Variants in BAIAP2 observed in about 807,000 individuals in gnomAD.
The protein encoded by BAIAP2 is BAR/IMD domain-containing adapter protein 2.
Under a neutral mutation model 63.0 loss-of-function variants are expected in BAIAP2, and 18 were observed. The observed-to-expected ratio is 0.29, with a 90% confidence interval of 0.20 to 0.42. The LOEUF is 0.42. Among genes scored for constraint, BAIAP2 ranks in the 10% least tolerant of loss-of-function variants. The probability of loss-of-function intolerance (pLI) is 1.00; values close to 1 mark genes in which losing one functional copy is unlikely to be tolerated. For missense variants in BAIAP2, 610 were observed against 734.3 expected, an observed-to-expected ratio of 0.83 and a Z score of 1.96; for synonymous variants, 386 against 307.6, an observed-to-expected ratio of 1.25 and a Z score of -2.67.
intron 13 of BAIAP2, among the ~76,000 whole-genome samples, chr17:81,114,491 A>C (rs1442618318): frequency 6.6e-6 from 1 of 152,192 alleles, no homozygotes; most frequent in Non-Finnish European, 1.5e-5. Flanking sequence ...AGCTGAAAAA[A>C]GCCGGGGATC....
At chr17:81,063,157 G>A (rs1327001943) in intron 3 of BAIAP2, among the ~76,000 whole-genome samples, 1 of 152,078 alleles carries the variant, frequency 6.6e-6, no homozygotes, top group African/African-American at 2.4e-5. Flanking sequence ...AAGGTGTGAG[G>A]TGGACAGAAA....
chr17:81,109,591 C>T (rs934114913), intron 13 of BAIAP2: 62 of 985,222 alleles, frequency 6.3e-5, no homozygotes, highest in Non-Finnish European at 6.6e-5. Context: ...GGGCTCGTGC[C>T]AAGCTCGAGG....
rs369864250 is a variant in BAIAP2 at position 81,105,021 on chromosome 17, T to G, written c.1268+306T>G. On this transcript the variant is annotated intron_variant, in intron 10 of 13. Transcript: ENST00000428708. ...GGCAGGGATCTCCCCCAATGGCAGG[T>G]ATCTCCCCCAATGGCAGGGGTCTTT... The G allele has an allele frequency of 2.8e-3, 586 of 205,836 alleles. 2 individuals carry two copies. The highest frequency in any genetic ancestry group is 0.01 in the African/African-American group (417 of 40,770). 12.8% of individuals were successfully genotyped at this position (205,836 alleles called of 1,614,324 possible). A position where few individuals can be genotyped will look rare whatever the true frequency, so the allele number is the denominator to read the frequency against.
chr17:81,076,222 C>T (rs2053640341), intron 3 of BAIAP2: 1 of 152,254 alleles, frequency 6.6e-6, no homozygotes, highest in African/African-American at 2.4e-5. Context: ...GCTTAACCAT[C>T]TGCAGCTTAA....
rs541729199 is a variant in BAIAP2, at chr17:81,098,340, C to T, written c.490-1588C>T. On this transcript the variant is annotated intron_variant, in intron 6 of 13. Coordinates refer to ENST00000428708, the MANE Select transcript of BAIAP2 (RefSeq NM_001144888.2). ...CCCCCAAACTCCCCCTCTCCAGTTT[C>T]CTCCCGAGGCTCACGTTGGAGAGGC... 2.3e-5 allele frequency: 12 copies of T among 520,224 alleles called. No homozygotes were observed. The South Asian group carries it at 1.1e-3, about 49-fold the overall frequency. 32.2% of individuals were successfully genotyped at this position (520,224 alleles called of 1,614,324 possible).
At chr17:81,111,103 G>A in intron 13 of BAIAP2, 3 of 973,096 alleles carry the variant, frequency 3.1e-6, no homozygotes, top group South Asian at 1.4e-5. Context: ...TCTCACTCTG[G>A]GTGCTGGGCC....
At chr17:81,078,117 G>A (rs2053977816) in intron 3 of BAIAP2, among the ~76,000 whole-genome samples, 1 of 150,770 alleles carries the variant, frequency 6.6e-6, no homozygotes, top group Non-Finnish European at 1.5e-5. Context: ...TCTTGGGTGG[G>A]AGCCGGGCAC....
intron 3 of BAIAP2, among the ~76,000 whole-genome samples, chr17:81,078,106 G>A (rs1312493185): frequency 3.3e-5 from 5 of 149,434 alleles, no homozygotes; most frequent in Admixed American, 6.7e-5. Flanking sequence ...TGCGGGTGTC[G>A]TCTTGGGTGG....
intron 1 of BAIAP2, among the ~76,000 whole-genome samples, chr17:81,051,794 A>G (rs55872483): frequency 0.45 from 67,679 of 152,032 alleles, 16,183 homozygotes; most frequent in Non-Finnish European, 0.55. Context: ...GGCTTAAGCA[A>G]TCCTCCCACC....
rs753024709 is a variant in BAIAP2 at position 81,035,268 on chromosome 17, G to A, written c.14G>A (p.Arg5His). 2.6e-6 allele frequency: 4 copies of A among 1,521,356 alleles called. No homozygotes were observed. Among genetic ancestry groups the A allele is most frequent in the South Asian group, 1.2e-5 (1 of 81,630 alleles). 94.2% of individuals were successfully genotyped at this position (1,521,356 alleles called of 1,614,324 possible). A position where few individuals can be genotyped will look rare whatever the true frequency, so the allele number is the denominator to read the frequency against. The stretch of plus-strand genomic sequence containing the variant: ...GGACCCAGGACCATGTCTCTGTCTC[G>A]CTCAGAGGAGATGCACCGGCTCACG... MSLSRSEEMHRLTEN... is the reference protein window; with the variant it reads MSLSHSEEMHRLTEN... Residue 5 changes from arginine (R) to histidine (H), a missense_variant, in exon 1 of 14, where the codon CGC (arginine) becomes CAC (histidine). Physicochemically the swap from Arg to His is conservative, Grantham distance 29 (BLOSUM62 0). Coordinates refer to ENST00000428708, the MANE Select transcript of BAIAP2 (RefSeq NM_001144888.2).
At chr17:81,084,298 G>A (rs760298213) in intron 3 of BAIAP2, among the ~76,000 whole-genome samples, 2 of 152,152 alleles carry the variant, frequency 1.3e-5, no homozygotes, top group Non-Finnish European at 2.9e-5. Context: ...TTGGGTGAAG[G>A]TCTCAGAGGT....
intron 1 of BAIAP2, among the ~76,000 whole-genome samples, chr17:81,038,432 A>G (rs570531844): frequency 1.3e-5 from 2 of 152,330 alleles, no homozygotes; most frequent in South Asian, 4.1e-4. Context: ...CCATTGGCCC[A>G]CAGCCTGTCC....
chr17:81,038,869 C>A (rs570180771), intron 1 of BAIAP2, among the ~76,000 whole-genome samples: 1 of 148,998 alleles, frequency 6.7e-6, no homozygotes, highest in East Asian at 2.0e-4. Flanking sequence ...TGCTGACAGG[C>A]ACCTCCTGGC....
Position 81,108,500 on chromosome 17 carries a change from C to G in BAIAP2, c.1526C>G (p.Ser509Cys). ...GGCCTGGATGACTATGGAGCGCGGT[C>G]CATGAGCAGGTAAGGGGACTTTCAG... is the stretch of plus-strand genomic sequence containing the variant. ...SQGLDDYGAR[S>C]MSRNPFAHVQ... Residue 509 changes from serine (S) to cysteine (C), a missense_variant, in exon 13 of 14, where the codon TCC becomes TGC. Ser to Cys is a moderately radical substitution (Grantham distance 112). Transcript: ENST00000428708. The G allele has an allele frequency of 1.9e-6, 3 of 1,613,874 alleles. No homozygotes were observed. The highest frequency in any genetic ancestry group is 1.7e-6 in the Non-Finnish European group (2 of 1,180,018).
chr17:81,103,376 A>G, intron 7 of BAIAP2, 126 bp from the exon 8 acceptor site: 1 of 904,906 alleles, frequency 1.1e-6, no homozygotes, highest in African/African-American at 1.7e-5. Context: ...TCTCGCCGAG[A>G]GGTACCACCT....
intron 3 of BAIAP2, among the ~76,000 whole-genome samples, chr17:81,079,547 C>A (rs753949586): frequency 6.6e-6 from 1 of 151,832 alleles, no homozygotes; most frequent in Non-Finnish European, 1.5e-5. Context: ...CCCCAGCATC[C>A]CTAGGCAGCC....
intron 7 of BAIAP2, among the ~76,000 whole-genome samples, chr17:81,102,191 A>T (rs2058584930): frequency 6.6e-6 from 1 of 150,950 alleles, no homozygotes; most frequent in African/African-American, 2.5e-5. Flanking sequence ...CCAGGGTGTG[A>T]GGGCAGCCTC....
intron 3 of BAIAP2, among the ~76,000 whole-genome samples, chr17:81,061,782 CTT>C (rs900994974): frequency 2.6e-5 from 4 of 152,154 alleles, no homozygotes; most frequent in Admixed American, 6.5e-5. Flanking sequence ...ACTGATCTCT[CTT>C]GGTGAAGTGT....
At chr17:81,103,849 C>T in intron 8 of BAIAP2, 58 bp from the exon 9 acceptor site, 1 of 1,604,744 alleles carries the variant, frequency 6.2e-7, no homozygotes, top group East Asian at 2.2e-5. Context: ...TTCTCTTTCC[C>T]CCTGGTCTTG....
Sources: allele counts gnomAD v4.1 joint callset (sites outside exome capture counted in the v4.1 genomes callset), GRCh38; gene constraint gnomAD v4.1.1; transcripts MANE v1.5; gene names NCBI Gene and HGNC (gene_info 2026-07-23, HGNC 2026-07-21).